The following LMCD1 variants were observed in gnomAD, a reference collection of about 807,000 sequenced individuals.
LMCD1 encodes LIM and cysteine rich domains 1.
A neutral mutation model predicts 42.7 loss-of-function variants in LMCD1; 32 were observed. The observed-to-expected ratio is 0.75, with a 90% CI of 0.57 to 1.01. LMCD1 has a LOEUF of 1.01. Ranked by LOEUF, LMCD1 falls within the 50% of genes least tolerant of loss-of-function variation. The pLI is 0.00. For synonymous variants in LMCD1, 178 were observed against 184.9 expected, an observed-to-expected ratio of 0.96 and a Z score of 0.30; for missense variants, 458 against 483.1, an observed-to-expected ratio of 0.95 and a Z score of 0.49.
At chr3:8,524,797 G>A (rs144927210) in intron 1 of LMCD1, among the ~76,000 whole-genome samples, 83 of 151,798 alleles carry the variant, frequency 5.5e-4, no homozygotes, top group African/African-American at 1.6e-3. Context: ...CAATCCTCCC[G>A]CCTCAGCCTC....
chr3:8,558,951 G>C (rs1316020734), intron 4 of LMCD1, among the ~76,000 whole-genome samples: 1 of 152,188 alleles, frequency 6.6e-6, no homozygotes, highest in Non-Finnish European at 1.5e-5. Context: ...AGGTGGTGGC[G>C]GTGGGGGAGC....
chr3:8,544,131 T>C (rs934043473), intron 3 of LMCD1, among the ~76,000 whole-genome samples: 1 of 151,766 alleles, frequency 6.6e-6, no homozygotes, highest in African/African-American at 2.4e-5. Flanking sequence ...GGGTTAGTGA[T>C]ATTGCTCTTC....
intron 3 of LMCD1, among the ~76,000 whole-genome samples, chr3:8,547,863 G>A (rs1250869961): frequency 6.6e-6 from 1 of 151,756 alleles, no homozygotes; most frequent in Non-Finnish European, 1.5e-5. Context: ...TCCAGCCTGG[G>A]CAACAGAGCG....
intron 3 of LMCD1, among the ~76,000 whole-genome samples, chr3:8,542,548 A>C (rs189661979): frequency 6.6e-6 from 1 of 152,348 alleles, no homozygotes; most frequent in Admixed American, 6.5e-5. Flanking sequence ...GGCCCTGGAA[A>C]GCCAGAGAAA....
In LMCD1 at chr3:8,574,056, A is replaced by G. The variant is rs758550825; in HGVS notation, c.*6458A>G. 6.6e-6 allele frequency: 1 copy of G among 152,166 alleles called. No homozygotes were observed. Among genetic ancestry groups the G allele is most frequent in the Non-Finnish European group, 1.5e-5 (1 of 68,038 alleles). 9.4% of individuals were successfully genotyped at this position (152,166 alleles called of 1,614,324 possible). On this transcript the variant is annotated 3_prime_UTR_variant, in exon 6 of 6. Transcript: ENST00000157600. The stretch of plus-strand genomic sequence containing the variant: ...CTCCATCTCTCTTCTGTCTTCCTCC[A>G]CACTGGCTTTATTCTTAGGTAGGCT...
intron 1 of LMCD1, among the ~76,000 whole-genome samples, chr3:8,502,303 T>TGA: frequency 4.4e-5 from 1 of 22,648 alleles, no homozygotes; most frequent in East Asian, 8.2e-4. Context: ...ATATTATATA[T>TGA]AATATATAAA....
intron 1 of LMCD1, among the ~76,000 whole-genome samples, chr3:8,525,874 T>G (rs2218727): frequency 0.44 from 67,044 of 152,062 alleles, 15,606 homozygotes; most frequent in Non-Finnish European, 0.52. Context: ...TGGCAAAATT[T>G]GCCTGGAATG....
chr3:8,516,251 C>T (rs1185077427), intron 1 of LMCD1, among the ~76,000 whole-genome samples: 1 of 152,142 alleles, frequency 6.6e-6, no homozygotes, highest in Non-Finnish European at 1.5e-5. Context: ...CACGGAACAA[C>T]AGCAGCTGCA....
chr3:8,536,964 A>G (rs890264388), intron 2 of LMCD1, among the ~76,000 whole-genome samples: 4 of 152,216 alleles, frequency 2.6e-5, no homozygotes, highest in African/African-American at 9.6e-5. Flanking sequence ...CACAAGTTAT[A>G]TCCTACATTC....
At position 8,574,242 on chromosome 3, in the gene LMCD1, C is replaced by G. The variant is rs928546116; in HGVS notation, c.*6644C>G. ...GTCCTATGCTTATCCCTTGACCAAT[C>G]TCTGTGCCCAGAGGGCAGGGTACTC... On this transcript the variant is annotated 3_prime_UTR_variant, in exon 6 of 6. Transcript: ENST00000157600. The G allele has an allele frequency of 2.0e-5, 3 of 152,258 alleles. No homozygotes were observed. The highest frequency in any genetic ancestry group is 2.0e-4 in the Admixed American group (3 of 15,286). The allele number at this position is 152,258 out of a possible 1,614,324, so 9.4% of individuals were successfully genotyped here.
At chr3:8,547,230 C>T (rs745581397) in intron 3 of LMCD1, among the ~76,000 whole-genome samples, 8 of 152,290 alleles carry the variant, frequency 5.3e-5, no homozygotes, top group Non-Finnish European at 8.8e-5. Context: ...CTTTCTCACA[C>T]GCAAGATTGT....
rs911432634 is a variant in LMCD1 at position 8,567,936 on chromosome 3, T to A, written c.*338T>A. 2 of 175,654 alleles carry A rather than the reference T, an allele frequency of 1.1e-5. No individual in the cohort carries two copies. Among genetic ancestry groups the A allele is most frequent in the Non-Finnish European group, 2.4e-5 (2 of 83,968 alleles). The allele number at this position is 175,654 out of a possible 1,614,324, so 10.9% of individuals were successfully genotyped here. A position where few individuals can be genotyped will look rare whatever the true frequency, so the allele number is the denominator to read the frequency against. On this transcript the variant is annotated 3_prime_UTR_variant, in exon 6 of 6. Coordinates refer to ENST00000157600, the MANE Select transcript of LMCD1 (RefSeq NM_014583.4). ...CTGGGAGGAGTTTTCCAGAATGCAA[T>A]TCCGAGTGAGCAAATCGCATAGCTG...
chr3:8,534,863 C>A (rs1435345223), intron 2 of LMCD1, among the ~76,000 whole-genome samples: 1 of 152,136 alleles, frequency 6.6e-6, no homozygotes. Flanking sequence ...TAGAAATGTG[C>A]CTGGCCACAT....
chr3:8,546,877 TGTTAAGA>T (rs1369046010), intron 3 of LMCD1, among the ~76,000 whole-genome samples: 1 of 152,236 alleles, frequency 6.6e-6, no homozygotes, highest in Non-Finnish European at 1.5e-5. Context: ...GTCATTATAC[TGTTAAGA>T]GTTTTATCAA....
intron 3 of LMCD1, among the ~76,000 whole-genome samples, chr3:8,541,610 C>T (rs181459415): frequency 1.5e-3 from 223 of 152,336 alleles, no homozygotes; most frequent in African/African-American, 5.1e-3. Context: ...CCAACCTTTC[C>T]AACTGGTCTG....
At chr3:8,549,400 C>G (rs546417207) in intron 4 of LMCD1, among the ~76,000 whole-genome samples, 8 of 152,186 alleles carry the variant, frequency 5.3e-5, no homozygotes, top group Admixed American at 4.6e-4. Flanking sequence ...GGACATGAGG[C>G]TAGGGAGGGC....
intron 2 of LMCD1, among the ~76,000 whole-genome samples, chr3:8,534,122 G>A (rs943361242): frequency 9.2e-5 from 14 of 151,856 alleles, no homozygotes; most frequent in African/African-American, 2.9e-4. Flanking sequence ...TCAGGACAGC[G>A]TTGATTCCTC....
intron 4 of LMCD1, among the ~76,000 whole-genome samples, chr3:8,552,280 T>C (rs1214050315): frequency 6.6e-6 from 1 of 152,216 alleles, no homozygotes; most frequent in Non-Finnish European, 1.5e-5. Flanking sequence ...AAATCAAGTC[T>C]ATGTTCTTTC....
Position 8,548,611 on chromosome 3 carries a change from T to C in LMCD1, c.431T>C (p.Val144Ala). 6.2e-7 allele frequency: 1 copy of C among 1,614,042 alleles called. No homozygotes were observed. Among genetic ancestry groups the C allele is most frequent in the Non-Finnish European group, 8.5e-7 (1 of 1,179,920 alleles). The change falls in exon 4 of 6, where the codon GTG becomes GCG. Residue 144 changes from valine to alanine, a missense_variant. Coordinates refer to ENST00000157600, the MANE Select transcript of LMCD1 (RefSeq NM_014583.4). ...MELIPKEKQP[V>A]TGTEGAFYRR... ...CTCATCCCCAAGGAGAAGCAGCCAG[T>C]GACAGGCACAGAGGGTGCCTTTTAC...
Sources: gnomAD v4.1 joint callset for allele counts (sites outside exome capture counted in the v4.1 genomes callset) on GRCh38, gnomAD v4.1.1 for gene constraint, MANE v1.5 for transcripts, NCBI Gene and HGNC (gene_info 2026-07-23, HGNC 2026-07-21) for gene names.